Variants in NUP188 observed in about 807,000 individuals in gnomAD.
NUP188 encodes the protein nucleoporin NUP188.
NUP188 carries 97 observed loss-of-function variants against 223.0 expected under a neutral mutation model. That is an observed-to-expected ratio of 0.43 (90% CI 0.37 to 0.51). The LOEUF is 0.51. Among genes scored for constraint, NUP188 ranks in the 20% least tolerant of loss-of-function variants. The pLI is 0.00. For missense variants in NUP188, 1,947 were observed against 2,175.6 expected, an observed-to-expected ratio of 0.89 and a Z score of 2.09; for synonymous variants, 869 against 828.0, an observed-to-expected ratio of 1.05 and a Z score of -0.85.
intron 12 of NUP188, 103 bp downstream of exon 12, chr9:128,973,352 A>C: frequency 1.4e-6 from 1 of 730,030 alleles, no homozygotes; most frequent in Non-Finnish European, 2.3e-6. Context: ...CTCATGTGTT[A>C]ATTTGTTTAC....
At chr9:129,000,450 C>G (rs561752083) in intron 34 of NUP188, among the ~76,000 whole-genome samples, 9 of 152,048 alleles carry the variant, frequency 5.9e-5, no homozygotes, top group African/African-American at 2.2e-4. Flanking sequence ...ACCCGAGTAG[C>G]TGGGGCTACA....
At chr9:128,960,340 G>A (rs1841930698) in intron 8 of NUP188, among the ~76,000 whole-genome samples, 1 of 151,610 alleles carries the variant, frequency 6.6e-6, no homozygotes, top group Non-Finnish European at 1.5e-5. Flanking sequence ...CAAAGTGCTG[G>A]GATTACAGGC....
chr9:129,005,850 G>C (rs748510598), intron 41 of NUP188, 74 bp downstream of exon 41: 4 of 1,522,032 alleles, frequency 2.6e-6, no homozygotes, highest in Non-Finnish European at 3.5e-6. Flanking sequence ...AGCTGACCTT[G>C]GGCATGTTGG....
rs571665365 is a variant in NUP188, at chr9:128,990,283, G to C, written c.2640+57G>C. On this transcript the variant is annotated intron_variant, in intron 25 of 43. Coordinates refer to ENST00000372577, the MANE Select transcript of NUP188 (RefSeq NM_015354.3). ...TATATGAGGGTGTTTTTTTCCCCCT[G>C]ATTACAAAAGACATGCTCAGGCCAC... 2.3e-5 allele frequency: 31 copies of C among 1,360,132 alleles called. No individual in the cohort carries two copies. In the East Asian group the frequency reaches 6.4e-4, roughly 28 times the overall value. The allele number at this position is 1,360,132 out of a possible 1,614,324, so 84.3% of individuals were successfully genotyped here.
Position 128,980,707 on chromosome 9 carries a change from G to A in NUP188, c.1371G>A (p.Gly457=). ...AACTGCTCCGAGCCCTGGTATCAGG[G>A]AAGTCCACAGCCAAAAAGGTAAGTT... is the stretch of plus-strand genomic sequence containing the variant. The part of the protein sequence containing the change: ...LLQLLRALVS[G]KSTAKKVYSF... The change falls in exon 14 of 44, where the codon GGG becomes GGA. Residue 457 remains glycine, a synonymous_variant. Coordinates refer to ENST00000372577, the MANE Select transcript of NUP188 (RefSeq NM_015354.3). 6.2e-7 allele frequency: 1 copy of A among 1,614,072 alleles called. No individual in the cohort carries two copies. Among genetic ancestry groups the A allele is most frequent in the Non-Finnish European group, 8.5e-7 (1 of 1,180,002 alleles).
chr9:129,002,625 G>C (rs995901953), intron 36 of NUP188, among the ~76,000 whole-genome samples, 192 bp from the exon 37 acceptor site: 1 of 152,252 alleles, frequency 6.6e-6, no homozygotes, highest in Non-Finnish European at 1.5e-5. Context: ...TGGGTCTTGT[G>C]TCTCAGCCTG....
Position 128,998,127 on chromosome 9 carries a change from A to T in NUP188, c.3352-24A>T, listed in dbSNP as rs777425014. 2.5e-6 allele frequency: 4 copies of T among 1,602,290 alleles called. No homozygotes were observed. The East Asian group carries it at 8.9e-5, about 36-fold the overall frequency. On this transcript the variant is annotated intron_variant, in intron 30 of 43. Coordinates refer to ENST00000372577, the MANE Select transcript of NUP188 (RefSeq NM_015354.3). ...AAAATCTGGAAAATTTTCCCAGCTG[A>T]AACCTTTTTCTGTTCCTTTGCAGGC... is the stretch of plus-strand genomic sequence containing the variant.
intron 2 of NUP188, 85 bp from the exon 3 acceptor site, chr9:128,952,688 A>AC: frequency 8.4e-7 from 1 of 1,187,016 alleles, no homozygotes; most frequent in Non-Finnish European, 1.2e-6. Context: ...GTGCCACTGC[A>AC]CTCCAGCCTG....
At chr9:128,985,050 G>C (rs1396851450) in intron 20 of NUP188, 36 bp downstream of exon 20, 6 of 1,453,994 alleles carry the variant, frequency 4.1e-6, no homozygotes, top group Non-Finnish European at 5.8e-6. Flanking sequence ...GGCAGAAAAA[G>C]AAAAGGTCCA....
intron 4 of NUP188, 26 bp from the exon 5 acceptor site, chr9:128,956,926 C>T (rs1841879107): frequency 1.7e-5 from 26 of 1,545,800 alleles, no homozygotes; most frequent in Non-Finnish European, 2.3e-5. Flanking sequence ...CTGAGCTGTT[C>T]CTTACTTAAA....
At chr9:128,999,359 C>G in intron 33 of NUP188, 42 bp downstream of exon 33, 2 of 1,603,880 alleles carry the variant, frequency 1.2e-6, no homozygotes, top group South Asian at 2.2e-5. Flanking sequence ...GCAGTCTGCC[C>G]ACTCCTGCTG....
chr9:128,958,473 A>G (rs1044375899), intron 6 of NUP188, among the ~76,000 whole-genome samples: 7 of 152,210 alleles, frequency 4.6e-5, no homozygotes, highest in Middle Eastern at 3.2e-3. Context: ...ATTAGGACCT[A>G]TATCAGTGGA....
intron 5 of NUP188, 128 bp from the exon 6 acceptor site, chr9:128,957,882 T>G (rs928816074): frequency 4.3e-6 from 3 of 696,124 alleles, no homozygotes; most frequent in Non-Finnish European, 7.2e-6. Context: ...AAAAGTAAGG[T>G]GGAAAGTATA....
rs761008229 is a variant in NUP188 at position 128,983,312 on chromosome 9, C to G, written c.1816C>G (p.Pro606Ala). 1 of 1,614,074 alleles carries G rather than the reference C, an allele frequency of 6.2e-7. No homozygotes were observed. Among genetic ancestry groups the G allele is most frequent in the South Asian group, 1.1e-5 (1 of 91,078 alleles). ...LLQRLTTVIS[P>A]PVDVIASCVN... ...AACCAGGTTAACGACAGTGATCTCC[C>G]CACCTGTGGATGTCATTGCTTCTTG... The change falls in exon 18 of 44, where the codon CCA becomes GCA. Residue 606 changes from proline to alanine, a missense_variant. This residue lies in a region of NUP188 where 817 missense variants were observed against 865.8 expected (regional missense o/e 0.94). Coordinates refer to ENST00000372577, the MANE Select transcript of NUP188 (RefSeq NM_015354.3).
rs139177125 is a variant in NUP188 at position 128,988,277 on chromosome 9, A to T, written c.2533+91A>T. ...TACGTATCTTAGGCAGTGTTTTTGGATGTCAACAGTATTTTCTGCTTCTTG... is the reference window on the plus strand; with the variant it reads ...TACGTATCTTAGGCAGTGTTTTTGGTTGTCAACAGTATTTTCTGCTTCTTG... On this transcript the variant is annotated intron_variant, in intron 24 of 43. Transcript: ENST00000372577. The T allele has an allele frequency of 4.5e-3, 6,350 of 1,400,562 alleles. 19 individuals carry two copies. The highest frequency in any genetic ancestry group is 5.4e-3 in the Non-Finnish European group (5,464 of 1,010,638). 86.8% of individuals were successfully genotyped at this position (1,400,562 alleles called of 1,614,324 possible).
intron 2 of NUP188, among the ~76,000 whole-genome samples, chr9:128,952,313 T>C (rs1394960579): frequency 1.3e-5 from 2 of 150,748 alleles, no homozygotes; most frequent in African/African-American, 4.9e-5. Flanking sequence ...GTAGGAGAAT[T>C]GCTTGAACCC....
At position 128,999,278 on chromosome 9, in the gene NUP188, T is replaced by C. The variant is rs1357636214; in HGVS notation, c.3622T>C (p.Ser1208Pro). 1.2e-6 allele frequency: 2 copies of C among 1,614,160 alleles called. No homozygotes were observed. The highest frequency in any genetic ancestry group is 1.7e-6 in the Non-Finnish European group (2 of 1,180,020). The change falls in exon 33 of 44, where the codon TCA (serine) becomes CCA (proline). Residue 1208 changes from serine to proline, a missense_variant. Coordinates refer to ENST00000372577, the MANE Select transcript of NUP188 (RefSeq NM_015354.3). The part of the protein sequence containing the change: ...LMEKTKAKVF[S>P]AFITVLQMKE... The stretch of plus-strand genomic sequence containing the variant: ...GGAGAAGACCAAGGCCAAGGTGTTC[T>C]CAGCATTCATCACAGTGTTGCAAAT...
intron 5 of NUP188, 116 bp from the exon 6 acceptor site, chr9:128,957,894 G>A (rs1171048263): frequency 1.3e-6 from 1 of 792,112 alleles, no homozygotes; most frequent in Non-Finnish European, 2.1e-6. Context: ...GAAAGTATAT[G>A]TAGAAACAAA....
intron 40 of NUP188, 55 bp downstream of exon 40, chr9:129,005,585 G>A: frequency 1.9e-6 from 3 of 1,611,068 alleles, no homozygotes; most frequent in South Asian, 1.1e-5. Flanking sequence ...GCTCTGCTGT[G>A]TACCGAGAGC....
Sources: allele counts gnomAD v4.1 joint callset (sites outside exome capture counted in the v4.1 genomes callset), GRCh38; gene constraint gnomAD v4.1.1; regional missense constraint gnomAD v4.1.1; transcripts MANE v1.5; gene names NCBI Gene and HGNC (gene_info 2026-07-23, HGNC 2026-07-21).